DYRK2: variants seen among roughly 807,000 people sequenced by gnomAD.
The protein encoded by DYRK2 is dual specificity tyrosine phosphorylation regulated kinase 2, also known as dual specificity tyrosine-phosphorylation-regulated kinase 2.
DYRK2 carries 12 observed loss-of-function variants against 41.6 expected under a neutral mutation model. The ratio of observed to expected loss-of-function variants is 0.29; its 90% CI spans 0.18 to 0.47. DYRK2 has a LOEUF of 0.47. Ranked by LOEUF, DYRK2 falls within the 20% of genes least tolerant of loss-of-function variation. The pLI is 1.00. For missense variants in DYRK2, 678 were observed against 798.4 expected (o/e 0.85, Z 1.82); for synonymous variants, 322 against 315.7 (o/e 1.02, Z -0.21).
intron 1 of DYRK2, 73 bp from the exon 2 acceptor site, chr12:67,649,724 G>A: frequency 7.8e-7 from 1 of 1,283,820 alleles, no homozygotes; most frequent in Non-Finnish European, 9.9e-7. Context: ...CTGCCCAGCG[G>A]GGTTGGAGGG....
chr12:67,649,684 C>T lies in DYRK2; in HGVS notation c.50-113C>T, dbSNP rs1027231871. 20 of 1,173,550 alleles carry T rather than the reference C, an allele frequency of 1.7e-5. No homozygotes were observed. In the African/African-American group the frequency reaches 2.2e-4, roughly 13 times the overall value. 72.7% of individuals were successfully genotyped at this position (1,173,550 alleles called of 1,614,324 possible). ...CCCGTTTTTACTGCCCCGGTCTCTT[C>T]CTCCGTCTTTCTTTGGAAGAGGGTT... On this transcript the variant is annotated intron_variant, in intron 1 of 2. Coordinates refer to ENST00000344096, the MANE Select transcript of DYRK2 (RefSeq NM_006482.3).
chr12:67,658,096 G>C lies in DYRK2; in HGVS notation c.1189G>C (p.Ala397Pro). ...FYRAPEVILG[A>P]RYGMPIDMWS... ...CCGGGCTCCAGAAGTGATCCTTGGG[G>C]CCAGGTATGGCATGCCCATTGATAT... Residue 397 changes from alanine (A) to proline (P), a missense_variant, in exon 3 of 3, where the codon GCC (alanine) becomes CCC (proline). This residue lies in a region of DYRK2 where 393 missense variants were observed against 519.1 expected (regional missense o/e 0.76). Coordinates refer to ENST00000344096, the MANE Select transcript of DYRK2 (RefSeq NM_006482.3). The surrounding 1 kb of genome is among the most constrained non-coding windows in gnomAD (Gnocchi z 4.3). 1 of 1,614,216 alleles carries C rather than the reference G, an allele frequency of 6.2e-7. No homozygotes were observed. Among genetic ancestry groups the C allele is most frequent in the East Asian group, 2.2e-5 (1 of 44,872 alleles).
rs1377943072 is a variant in DYRK2, at chr12:67,657,051, A to C, written c.199-55A>C. The C allele has an allele frequency of 6.7e-7, 1 of 1,503,210 alleles. No homozygotes were observed. The highest frequency in any genetic ancestry group is 8.9e-7 in the Non-Finnish European group (1 of 1,124,238). The allele number at this position is 1,503,210 out of a possible 1,614,324, so 93.1% of individuals were successfully genotyped here. On this transcript the variant is annotated intron_variant, in intron 2 of 2. Transcript: ENST00000344096. The surrounding 1 kb of genome is among the most constrained non-coding windows in gnomAD (Gnocchi z 4.8). The stretch of plus-strand genomic sequence containing the variant: ...TGGTGTTGTTGGGGGTTACTTATAC[A>C]CCATTTGAACAGACACCACTTCTTT...
rs775106036 is a variant in DYRK2, at chr12:67,657,770, T to A, written c.863T>A (p.Leu288Gln). 5 of 1,614,228 alleles carry A rather than the reference T, an allele frequency of 3.1e-6. No individual in the cohort carries two copies. Among genetic ancestry groups the A allele is most frequent in the Non-Finnish European group, 4.2e-6 (5 of 1,180,056 alleles). ...KDNTMNVIHM[L>Q]ENFTFRNHIC... ...AACACAATGAATGTCATCCATATGC[T>A]GGAGAATTTCACCTTCCGCAACCAC... Residue 288 changes from leucine (L) to glutamine (Q), a missense_variant, in exon 3 of 3, where the codon CTG (leucine) becomes CAG (glutamine). Around this residue, in one of 2 missense-constraint regions of DYRK2, gnomAD observed 393 missense variants for 519.1 expected, o/e 0.76. Coordinates refer to ENST00000344096, the MANE Select transcript of DYRK2 (RefSeq NM_006482.3). The surrounding 1 kb of genome is among the most constrained non-coding windows in gnomAD (Gnocchi z 4.8).
In DYRK2 at chr12:67,659,663, C is replaced by G. The variant is rs1179037129; in HGVS notation, c.*950C>G. On this transcript the variant is annotated 3_prime_UTR_variant, in exon 3 of 3. Transcript: ENST00000344096. ...TTCCAATTAAAAAAAGAACAGCAGC[C>G]TAGCTACTTAAGGTGGGGATTTCCA... The G allele has an allele frequency of 6.0e-6, 1 of 166,948 alleles. No homozygotes were observed. Among genetic ancestry groups the G allele is most frequent in the East Asian group, 1.9e-4 (1 of 5,204 alleles). The allele number at this position is 166,948 out of a possible 1,614,324, so 10.3% of individuals were successfully genotyped here.
rs986020613 is a variant in DYRK2 at position 67,648,980 on chromosome 12, T to C, written c.-154T>C. ...CCGGCCGAGGGGATGCAGTGGACTG[T>C]GTGTGTCTGGCTGTAGCAGACGCGA... On this transcript the variant is annotated 5_prime_UTR_variant, in exon 1 of 3. Coordinates refer to ENST00000344096, the MANE Select transcript of DYRK2 (RefSeq NM_006482.3). 5 of 516,522 alleles carry C rather than the reference T, an allele frequency of 9.7e-6. No individual in the cohort carries two copies. In the Admixed American group the frequency reaches 1.9e-4, roughly 20 times the overall value. The allele number at this position is 516,522 out of a possible 1,614,324, so 32.0% of individuals were successfully genotyped here. A position where few individuals can be genotyped will look rare whatever the true frequency, so the allele number is the denominator to read the frequency against.
rs2120845737 is a variant in DYRK2 at position 67,659,528 on chromosome 12, CCA to C, written c.*819_*820del. 6.0e-6 allele frequency: 1 copy of C among 167,078 alleles called. No individual in the cohort carries two copies. Among genetic ancestry groups the C allele is most frequent in the African/African-American group, 2.4e-5 (1 of 41,538 alleles). 10.3% of individuals were successfully genotyped at this position (167,078 alleles called of 1,614,324 possible). A position where few individuals can be genotyped will look rare whatever the true frequency, so the allele number is the denominator to read the frequency against. On this transcript the variant is annotated 3_prime_UTR_variant, in exon 3 of 3. Coordinates refer to ENST00000344096, the MANE Select transcript of DYRK2 (RefSeq NM_006482.3). ...TCTCCTCTCTGTTCCTCTTTTAATACCACACGTCTGTTGCTTGCATTTAGTTT... is the reference window on the plus strand; with the variant it reads ...TCTCCTCTCTGTTCCTCTTTTAATACCACGTCTGTTGCTTGCATTTAGTTT...
Position 67,658,614 on chromosome 12 carries a change from T to G in DYRK2, c.1707T>G (p.Pro569=). The G allele has an allele frequency of 6.2e-7, 1 of 1,614,160 alleles. No individual in the cohort carries two copies. The highest frequency in any genetic ancestry group is 8.5e-7 in the Non-Finnish European group (1 of 1,180,014). Residue 569 remains proline (P), a synonymous_variant, in exon 3 of 3, where the codon CCT becomes CCG. Coordinates refer to ENST00000344096, the MANE Select transcript of DYRK2 (RefSeq NM_006482.3). The surrounding 1 kb of genome is among the most constrained non-coding windows in gnomAD (Gnocchi z 4.3). ...CATCTATATCCAAGTTACCTCCACC[T>G]TCTAGCTCAGCTTCCAAACTGAGGA... The part of the protein sequence containing the change: ...AITSISKLPP[P]SSSASKLRTN...
At chr12:67,654,354 C>T (rs1042811757) in intron 2 of DYRK2, among the ~76,000 whole-genome samples, 2 of 152,176 alleles carry the variant, frequency 1.3e-5, no homozygotes, top group African/African-American at 4.8e-5. Context: ...TAAGTTCTTG[C>T]ATTAGCTATG....
chr12:67,649,679 C>T (rs1013494655), intron 1 of DYRK2, 118 bp from the exon 2 acceptor site: 2 of 1,151,956 alleles, frequency 1.7e-6, no homozygotes, highest in Non-Finnish European at 1.1e-6. Context: ...CTGCCCCGGT[C>T]TCTTCCTCCG....
rs1872658182 is a variant in DYRK2, at chr12:67,662,759, G to C, written c.*4046G>C. On this transcript the variant is annotated 3_prime_UTR_variant, in exon 3 of 3. Transcript: ENST00000344096. ...TGGAGAGGGTTTAGAATGCAAAATG[G>C]ATAGCTCTATATCAGGGTCTTGAGA... is the stretch of plus-strand genomic sequence containing the variant. 6.4e-6 allele frequency: 1 copy of C among 156,620 alleles called. No homozygotes were observed. The highest frequency in any genetic ancestry group is 1.5e-5 in the Non-Finnish European group (1 of 68,034). 9.7% of individuals were successfully genotyped at this position (156,620 alleles called of 1,614,324 possible). A position where few individuals can be genotyped will look rare whatever the true frequency, so the allele number is the denominator to read the frequency against.
Position 67,662,937 on chromosome 12 carries a change from T to G in DYRK2, c.*4224T>G, listed in dbSNP as rs999321069. ...TTCCTTCACCTGTCAGATTTTTATG[T>G]TAACTTTTTTATATATAGCCTCTGC... On this transcript the variant is annotated 3_prime_UTR_variant, in exon 3 of 3. Coordinates refer to ENST00000344096, the MANE Select transcript of DYRK2 (RefSeq NM_006482.3). The G allele has an allele frequency of 1.3e-5, 2 of 152,152 alleles. No homozygotes were observed. Among genetic ancestry groups the G allele is most frequent in the Non-Finnish European group, 2.9e-5 (2 of 68,002 alleles). 9.4% of individuals were successfully genotyped at this position (152,152 alleles called of 1,614,324 possible).
Position 67,665,317 on chromosome 12 carries a change from C to T in DYRK2, c.*6604C>T, listed in dbSNP as rs1872716301. On this transcript the variant is annotated 3_prime_UTR_variant, in exon 3 of 3. Transcript: ENST00000344096. ...AAAGCCCCAAATCATTTAAGTAAAG[C>T]TTACTGAATTGTTTTCAATTGTTTT... 6.6e-6 allele frequency: 1 copy of T among 152,116 alleles called. No homozygotes were observed. The highest frequency in any genetic ancestry group is 2.4e-5 in the African/African-American group (1 of 41,414). The allele number at this position is 152,116 out of a possible 1,614,324, so 9.4% of individuals were successfully genotyped here. A position where few individuals can be genotyped will look rare whatever the true frequency, so the allele number is the denominator to read the frequency against.
At position 67,657,486 on chromosome 12, in the gene DYRK2, C is replaced by A. The variant is rs1269700287; in HGVS notation, c.579C>A (p.Gly193=). The change falls in exon 3 of 3, where the codon GGC becomes GGA. Residue 193 remains glycine, a synonymous_variant. Transcript: ENST00000344096. This position sits in a 1 kb window ranked among gnomAD's most constrained non-coding sequence, Gnocchi z 4.8. ...GTCTAAATGCTAAGAAGCGCCAGGG[C>A]ATGACAGGTGGGCCCAACAATGGTG... ...FLGLNAKKRQ[G]MTGGPNNGGY... 1.9e-6 allele frequency: 3 copies of A among 1,614,070 alleles called. No individual in the cohort carries two copies. In the Admixed American group the frequency reaches 5.0e-5, roughly 27 times the overall value.
At chr12:67,656,834 A>G (rs999551396) in intron 2 of DYRK2, among the ~76,000 whole-genome samples, 1 of 152,168 alleles carries the variant, frequency 6.6e-6, no homozygotes, top group Non-Finnish European at 1.5e-5. Context: ...ATGATGTGCC[A>G]GGCCCTATAC....
chr12:67,649,576 A>C (rs958984603), intron 1 of DYRK2: 41 of 489,602 alleles, frequency 8.4e-5, no homozygotes, highest in African/African-American at 8.0e-4. Context: ...CGGGTCGCGA[A>C]CTCGCGCGCC....
At chr12:67,649,587 A>C in intron 1 of DYRK2, 3 of 525,960 alleles carry the variant, frequency 5.7e-6, no homozygotes, top group Non-Finnish European at 5.8e-6. Context: ...CTCGCGCGCC[A>C]GGGCCCCACT....
intron 2 of DYRK2, chr12:67,652,512 C>T (rs1365652901): frequency 6.6e-6 from 1 of 152,150 alleles, no homozygotes; most frequent in Non-Finnish European, 1.5e-5. Flanking sequence ...GCCACACAGA[C>T]TGTCAGAATG....
At chr12:67,655,309 T>C (rs1872435016) in intron 2 of DYRK2, among the ~76,000 whole-genome samples, 1 of 152,178 alleles carries the variant, frequency 6.6e-6, no homozygotes, top group Non-Finnish European at 1.5e-5. Flanking sequence ...AAAATGATTC[T>C]ATAGGAGAGA....
Sources: allele counts gnomAD v4.1 joint callset (sites outside exome capture counted in the v4.1 genomes callset), GRCh38; gene constraint gnomAD v4.1.1; regional missense constraint gnomAD v4.1.1; non-coding constraint Gnocchi (gnomAD v3.1); transcripts MANE v1.5; gene names NCBI Gene and HGNC (gene_info 2026-07-23, HGNC 2026-07-21).